PRDM5: variants seen among roughly 807,000 people sequenced by gnomAD.
PRDM5 encodes PR domain zinc finger protein 5.
PRDM5 carries 56 observed loss-of-function variants against 81.2 expected under a neutral mutation model. The observed-to-expected ratio is 0.69, with a 90% CI of 0.56 to 0.86. The LOEUF is 0.86. PRDM5 is among the 40% of genes least tolerant of loss of function. PRDM5 has a pLI of 0.00. For missense variants in PRDM5, 697 were observed against 770.1 expected (o/e 0.91, Z 1.12); for synonymous variants, 267 against 256.4 (o/e 1.04, Z -0.39).
At chr4:120,817,768 T>A (rs1303140107) in intron 5 of PRDM5, among the ~76,000 whole-genome samples, 1 of 152,188 alleles carries the variant, frequency 6.6e-6, no homozygotes, top group Non-Finnish European at 1.5e-5. Flanking sequence ...GATAATTTTA[T>A]GTTGTTAATA....
intron 13 of PRDM5, among the ~76,000 whole-genome samples, chr4:120,755,696 C>A (rs1744632783): frequency 6.6e-6 from 1 of 152,130 alleles, no homozygotes; most frequent in African/African-American, 2.4e-5. Context: ...CCTTCCTTGA[C>A]CTCTCCCCTG....
intron 2 of PRDM5, 52 bp downstream of exon 2, chr4:120,907,422 A>T: frequency 7.1e-7 from 1 of 1,403,400 alleles, no homozygotes; most frequent in Non-Finnish European, 1.0e-6. Context: ...AAAATGCATT[A>T]AATGGTACAA....
intron 7 of PRDM5, among the ~76,000 whole-genome samples, chr4:120,811,942 T>C (rs1394184478): frequency 6.6e-6 from 1 of 152,134 alleles, no homozygotes; most frequent in East Asian, 1.9e-4. Flanking sequence ...ATAGTCACCC[T>C]GTTGTGCTAT....
intron 8 of PRDM5, among the ~76,000 whole-genome samples, chr4:120,803,544 C>T (rs566193433): frequency 1.3e-5 from 2 of 152,248 alleles, no homozygotes; most frequent in South Asian, 4.2e-4. Flanking sequence ...AGAGTGAGGG[C>T]CAATATCCAA....
chr4:120,790,779 T>TA (rs886969357), intron 10 of PRDM5, among the ~76,000 whole-genome samples: 24 of 151,858 alleles, frequency 1.6e-4, no homozygotes, highest in Non-Finnish European at 3.1e-4. Flanking sequence ...GCAAGATAAA[T>TA]AAAAAAACAG....
At chr4:120,879,654 C>T (rs1238705024) in intron 2 of PRDM5, among the ~76,000 whole-genome samples, 1 of 152,086 alleles carries the variant, frequency 6.6e-6, no homozygotes, top group Non-Finnish European at 1.5e-5. Flanking sequence ...ACAAAATATG[C>T]ATTAATCAAG....
At chr4:120,893,863 G>A (rs168224) in intron 2 of PRDM5, among the ~76,000 whole-genome samples, 5 of 152,004 alleles carry the variant, frequency 3.3e-5, no homozygotes, top group Non-Finnish European at 5.9e-5. Flanking sequence ...AATTTCATTT[G>A]TCTTTGCATA....
chr4:120,697,263 G>T (rs1369968195), intron 15 of PRDM5, among the ~76,000 whole-genome samples: 1 of 152,106 alleles, frequency 6.6e-6, no homozygotes, highest in Non-Finnish European at 1.5e-5. Context: ...GGCTGATAGA[G>T]TGTAATGGGT....
chr4:120,812,443 C>CAT (rs10628674), intron 7 of PRDM5: 1 of 161,300 alleles, frequency 6.2e-6, no homozygotes, highest in East Asian at 1.9e-4. Flanking sequence ...TTCGTTATTC[C>CAT]GTCTTTTGGA....
Position 120,769,388 on chromosome 4 carries a change from G to C in PRDM5, c.1537+7800C>G, listed in dbSNP as rs1239603286. Among the ~76,000 whole-genome samples the C allele has an allele frequency of 2.6e-5, 4 of 152,252 alleles. No homozygotes were observed. In the East Asian group the frequency reaches 7.7e-4, roughly 29 times the overall value. On this transcript the variant is annotated intron_variant, in intron 13 of 15. Transcript: ENST00000264808. ...ATGCTGACCTAACAAGGCAGGGGTAGGGGACAGGTCAGGGAACACGTCAAG... is the reference window on the plus strand; with the variant it reads ...ATGCTGACCTAACAAGGCAGGGGTACGGGACAGGTCAGGGAACACGTCAAG...
chr4:120,764,634 T>A (rs572274210), intron 13 of PRDM5, among the ~76,000 whole-genome samples: 3 of 151,688 alleles, frequency 2.0e-5, no homozygotes, highest in African/African-American at 7.2e-5. Context: ...TGGTTGTGGA[T>A]CTGAAATTAT....
In PRDM5 at chr4:120,830,354, C is replaced by T. The variant is rs73843624; in HGVS notation, c.301-9009G>A. Among the ~76,000 whole-genome samples, 1,383 of 152,042 alleles carry T rather than the reference C, an allele frequency of 9.1e-3. 22 individuals carry two copies. Among genetic ancestry groups the T allele is most frequent in the African/African-American group, 0.031 (1,285 of 41,454 alleles). ...GCTTTAAAAATCATCACATTTTGGC[C>T]GCCGCTCTCTTTCCCCTCTGCCAGG... On this transcript the variant is annotated intron_variant, in intron 3 of 15. Coordinates refer to ENST00000264808, the MANE Select transcript of PRDM5 (RefSeq NM_018699.4).
chr4:120,722,034 GAA>G (rs1401550979), intron 14 of PRDM5, among the ~76,000 whole-genome samples: 1 of 152,168 alleles, frequency 6.6e-6, no homozygotes, highest in Non-Finnish European at 1.5e-5. Flanking sequence ...GCCAAAGAGA[GAA>G]AGAGTTAAGC....
At chr4:120,764,374 T>C (rs1746075839) in intron 13 of PRDM5, among the ~76,000 whole-genome samples, 1 of 152,194 alleles carries the variant, frequency 6.6e-6, no homozygotes, top group Non-Finnish European at 1.5e-5. Context: ...CTCTCTCACT[T>C]TTCACTCTGT....
chr4:120,864,756 TC>T (rs1432101633), intron 2 of PRDM5, among the ~76,000 whole-genome samples: 3 of 152,226 alleles, frequency 2.0e-5, no homozygotes, highest in Non-Finnish European at 1.5e-5. Context: ...CTGTACTTGT[TC>T]CTAAAAGATT....
intron 2 of PRDM5, among the ~76,000 whole-genome samples, chr4:120,899,484 G>A (rs1027362136): frequency 1.3e-5 from 2 of 152,190 alleles, no homozygotes; most frequent in African/African-American, 2.4e-5. Context: ...TGGGCTCCTA[G>A]TCACCAATCC....
At chr4:120,882,526 A>G (rs983592705) in intron 2 of PRDM5, among the ~76,000 whole-genome samples, 7 of 152,196 alleles carry the variant, frequency 4.6e-5, no homozygotes, top group Admixed American at 6.5e-5. Flanking sequence ...CATCAGTAGT[A>G]TATTTTCTTT....
intron 3 of PRDM5, chr4:120,839,304 C>A (rs1385977106): frequency 2.8e-6 from 2 of 703,006 alleles, no homozygotes; most frequent in Non-Finnish European, 5.2e-6. Flanking sequence ...GGTATACAAA[C>A]AAGTAGAAGG....
chr4:120,878,375 T>C (rs1008177310), intron 2 of PRDM5, among the ~76,000 whole-genome samples: 1 of 152,212 alleles, frequency 6.6e-6, no homozygotes, highest in Non-Finnish European at 1.5e-5. Flanking sequence ...AATACATATG[T>C]AGACACAGAC....
Sources: allele counts gnomAD v4.1 joint callset (sites outside exome capture counted in the v4.1 genomes callset), GRCh38; gene constraint gnomAD v4.1.1; transcripts MANE v1.5; gene names NCBI Gene and HGNC (gene_info 2026-07-23, HGNC 2026-07-21).